SLC2A9: variants seen among roughly 807,000 people sequenced by gnomAD.
SLC2A9 encodes the protein solute carrier family 2 member 9, also known as solute carrier family 2, facilitated glucose transporter member 9.
A neutral mutation model predicts 50.6 loss-of-function variants in SLC2A9; 39 were observed. That is an observed-to-expected ratio of 0.77 (90% CI 0.60 to 1.01). SLC2A9 has a LOEUF of 1.01. Ranked by LOEUF, SLC2A9 falls within the 50% of genes least tolerant of loss-of-function variation. The pLI, the probability that SLC2A9 is intolerant of heterozygous loss-of-function variation, is 0.00. For missense variants in SLC2A9, 686 were observed against 677.6 expected (o/e 1.01, Z -0.14); for synonymous variants, 324 against 276.9 (o/e 1.17, Z -1.69).
At chr4:9,905,753 C>T (rs1740549026) in intron 8 of SLC2A9, among the ~76,000 whole-genome samples, 3 of 152,126 alleles carry the variant, frequency 2.0e-5, no homozygotes, top group Admixed American at 1.3e-4. Context: ...GTGTGCCCCT[C>T]TTTCAAACAA....
At chr4:9,865,046 T>C (rs972964425) in intron 10 of SLC2A9, among the ~76,000 whole-genome samples, 5 of 152,250 alleles carry the variant, frequency 3.3e-5, no homozygotes, top group African/African-American at 1.2e-4. Flanking sequence ...GAGACCAACT[T>C]GCCCCAAATC....
intron 6 of SLC2A9, among the ~76,000 whole-genome samples, chr4:9,930,271 T>C (rs1335866738): frequency 2.0e-5 from 3 of 152,196 alleles, no homozygotes; most frequent in Non-Finnish European, 4.4e-5. Flanking sequence ...AAGACGGATA[T>C]CTGTGTTGCA....
chr4:9,922,577 CA>C (rs1744138748), intron 6 of SLC2A9, among the ~76,000 whole-genome samples: 1 of 152,146 alleles, frequency 6.6e-6, no homozygotes, highest in Non-Finnish European at 1.5e-5. Flanking sequence ...GAGTGACCCC[CA>C]GCCTATGAAT....
intron 5 of SLC2A9, among the ~76,000 whole-genome samples, chr4:9,972,438 T>A (rs1754064616): frequency 6.6e-6 from 1 of 152,276 alleles, no homozygotes; most frequent in South Asian, 2.1e-4. Flanking sequence ...TTTTATGATG[T>A]ATCTTTGATT....
At chr4:9,879,407 C>G in intron 10 of SLC2A9, 1 of 984,378 alleles carries the variant, frequency 1.0e-6, no homozygotes, top group Non-Finnish European at 1.2e-6. Flanking sequence ...TGTGTTTGTG[C>G]GTGTGGGGCA....
intron 6 of SLC2A9, among the ~76,000 whole-genome samples, chr4:9,931,585 T>C (rs1324819336): frequency 1.3e-5 from 2 of 152,124 alleles, no homozygotes; most frequent in African/African-American, 4.8e-5. Flanking sequence ...GGTGAGGAAA[T>C]GTGCCAGTGT....
At chr4:9,823,321 A>G (rs1878276), downstream of SLC2A9, among the ~76,000 whole-genome samples, 117,698 of 152,046 alleles carry the variant, frequency 0.77, 46,491 homozygotes, top group Non-Finnish European at 0.85. Flanking sequence ...GGGTGCTGTA[A>G]GCGGCTGGTA....
At chr4:9,964,507 C>CG (rs1328417766) in intron 5 of SLC2A9, among the ~76,000 whole-genome samples, 1 of 152,134 alleles carries the variant, frequency 6.6e-6, no homozygotes, top group African/African-American at 2.4e-5. Context: ...ATGCCTGGGT[C>CG]GTGCCCCGAA....
intron 5 of SLC2A9, among the ~76,000 whole-genome samples, chr4:9,951,324 A>T (rs1750221443): frequency 6.6e-6 from 1 of 152,218 alleles, no homozygotes; most frequent in Admixed American, 6.5e-5. Flanking sequence ...GTAAAGATAG[A>T]TAACAGAGAC....
intron 9 of SLC2A9, among the ~76,000 whole-genome samples, chr4:9,889,751 C>G (rs1737013051): frequency 6.6e-6 from 1 of 152,210 alleles, no homozygotes; most frequent in Admixed American, 6.5e-5. Context: ...TAATCAATTG[C>G]TGCAACCTTG....
intron 10 of SLC2A9, among the ~76,000 whole-genome samples, chr4:9,885,992 C>A (rs142484452): frequency 6.6e-5 from 10 of 152,302 alleles, no homozygotes; most frequent in African/African-American, 2.2e-4. Context: ...AACCAACATG[C>A]CTGTGAACAA....
intron 10 of SLC2A9, among the ~76,000 whole-genome samples, chr4:9,886,018 T>C (rs1413166440): frequency 1.3e-5 from 2 of 151,764 alleles, no homozygotes; most frequent in East Asian, 3.9e-4. Flanking sequence ...TGATGGGTGA[T>C]GAGATAGAGG....
In SLC2A9 at chr4:9,908,225, G is replaced by A; in HGVS notation, c.1113+10C>T. The A allele has an allele frequency of 6.3e-7, 1 of 1,593,676 alleles. No individual in the cohort carries two copies. Among genetic ancestry groups the A allele is most frequent in the Non-Finnish European group, 8.6e-7 (1 of 1,161,232 alleles). ...GTGGCATTCTCAGGAGTAACCCTCA[G>A]TTGACTTACAGAGAAGACGGCAGCC... On this transcript the variant is annotated intron_variant, in intron 8 of 11. Transcript: ENST00000264784.
chr4:9,853,243 T>C (rs1236059790), intron 10 of SLC2A9, among the ~76,000 whole-genome samples: 1 of 151,058 alleles, frequency 6.6e-6, no homozygotes, highest in Non-Finnish European at 1.5e-5. Flanking sequence ...CTATATGCTG[T>C]CTTCAAGACA....
intron 1 of SLC2A9, among the ~76,000 whole-genome samples, chr4:10,027,204 T>C (rs889863671): frequency 6.6e-6 from 1 of 152,156 alleles, no homozygotes; most frequent in Admixed American, 6.5e-5. Context: ...GCCTCACAGA[T>C]AAGCAGCAGT....
intron 10 of SLC2A9, among the ~76,000 whole-genome samples, chr4:9,855,835 C>T (rs1730636535): frequency 6.6e-6 from 1 of 152,092 alleles, no homozygotes; most frequent in South Asian, 2.1e-4. Context: ...TGATCTTCAA[C>T]AAGCTGACAA....
At chr4:9,962,644 T>C (rs1341979492) in intron 5 of SLC2A9, among the ~76,000 whole-genome samples, 1 of 152,030 alleles carries the variant, frequency 6.6e-6, no homozygotes, top group African/African-American at 2.4e-5. Context: ...GGTCAATAGG[T>C]GCAGCAAACC....
intron 5 of SLC2A9, among the ~76,000 whole-genome samples, chr4:9,976,302 C>T (rs1455860554): frequency 2.0e-5 from 3 of 152,206 alleles, no homozygotes; most frequent in Non-Finnish European, 2.9e-5. Context: ...GCTAACCCTC[C>T]TTCACCCTCT....
intron 5 of SLC2A9, among the ~76,000 whole-genome samples, chr4:9,971,916 T>G (rs1188350685): frequency 6.6e-6 from 1 of 152,248 alleles, no homozygotes; most frequent in Non-Finnish European, 1.5e-5. Context: ...GCCTAGCAAC[T>G]GCCTGTCCAA....
Sources: gnomAD v4.1 joint callset for allele counts (sites outside exome capture counted in the v4.1 genomes callset) on GRCh38, gnomAD v4.1.1 for gene constraint, MANE v1.5 for transcripts, NCBI Gene and HGNC (gene_info 2026-07-23, HGNC 2026-07-21) for gene names.